HDAC9: variants seen among roughly 807,000 people sequenced by gnomAD.
HDAC9 encodes MEF-2 interacting transcription repressor (MITR) protein.
Under a neutral mutation model 139.4 loss-of-function variants are expected in HDAC9, and 41 were observed. The observed-to-expected ratio is 0.29, with a 90% CI of 0.23 to 0.38. HDAC9 has a LOEUF of 0.38. HDAC9 is among the 10% of genes least tolerant of loss of function. The pLI is 1.00. For missense variants in HDAC9, 1,147 were observed against 1,297.0 expected, an observed-to-expected ratio of 0.88 and a Z score of 1.78; for synonymous variants, 517 against 476.2, an observed-to-expected ratio of 1.09 and a Z score of -1.12.
At chr7:18,217,870 C>G (rs1164624810) in intron 2 of HDAC9, among the ~76,000 whole-genome samples, 8 of 152,242 alleles carry the variant, frequency 5.3e-5, no homozygotes, top group Admixed American at 2.6e-4. Context: ...GGTCAGAAAT[C>G]TGGGAGAGGT....
chr7:18,191,821 C>T (rs1335309379), intron 2 of HDAC9, among the ~76,000 whole-genome samples: 2 of 152,166 alleles, frequency 1.3e-5, no homozygotes, highest in Non-Finnish European at 2.9e-5. Context: ...CCATTAATTT[C>T]TTCCTTGCCC....
At chr7:18,514,172 A>G (rs190212695) in intron 2 of HDAC9, among the ~76,000 whole-genome samples, 56 of 152,332 alleles carry the variant, frequency 3.7e-4, no homozygotes, top group Non-Finnish European at 1.2e-4. Flanking sequence ...ATATGCATAT[A>G]CAATGTATGT....
chr7:18,572,034 A>G (rs1044807744), intron 2 of HDAC9, among the ~76,000 whole-genome samples: 15 of 151,790 alleles, frequency 9.9e-5, no homozygotes, highest in African/African-American at 2.4e-5. Flanking sequence ...AATTCCTGAT[A>G]GAAGAGTGGG....
rs370270521 is a variant in HDAC9 at position 18,666,374 on chromosome 7, A to G, written c.1629A>G (p.Gly543=). The G allele has an allele frequency of 5.0e-6, 8 of 1,613,162 alleles. No individual in the cohort carries two copies. The African/African-American group carries it at 9.3e-5, about 19-fold the overall frequency. The change falls in exon 12 of 26, where the codon GGA becomes GGG. Residue 543 remains glycine (G), a synonymous_variant. Transcript: ENST00000686413. ...DSSACVDDTL[G]QVGAVKVKEE... ...GTGCTTGTGTGGATGACACACTGGG[A>G]CAAGTTGGGGCTGTGAAGGTCAAGG... is the stretch of plus-strand genomic sequence containing the variant.
intron 25 of HDAC9, among the ~76,000 whole-genome samples, chr7:18,987,486 T>G (rs541586660): frequency 5.9e-5 from 9 of 152,354 alleles, no homozygotes; most frequent in African/African-American, 1.7e-4. Context: ...TTATTGAGGA[T>G]TTTTGCATCA....
intron 11 of HDAC9, among the ~76,000 whole-genome samples, chr7:18,654,713 A>G (rs1013537020): frequency 5.3e-5 from 8 of 152,060 alleles, no homozygotes; most frequent in African/African-American, 1.9e-4. Context: ...CAAGGCAAAC[A>G]AACATTAAAA....
chr7:18,933,484 C>A (rs1022407156), intron 22 of HDAC9, among the ~76,000 whole-genome samples: 1 of 151,986 alleles, frequency 6.6e-6, no homozygotes, highest in Non-Finnish European at 1.5e-5. Context: ...TCAAAGGCTG[C>A]CTCTCAAAAA....
At chr7:18,271,521 C>T (rs1315184117) in intron 2 of HDAC9, among the ~76,000 whole-genome samples, 2 of 152,144 alleles carry the variant, frequency 1.3e-5, no homozygotes, top group African/African-American at 4.8e-5. Flanking sequence ...ACCAGTTTCC[C>T]CCTTGCTTTT....
chr7:18,810,627 A>C (rs952446770), intron 17 of HDAC9, among the ~76,000 whole-genome samples: 1 of 151,948 alleles, frequency 6.6e-6, no homozygotes, highest in African/African-American at 2.4e-5. Context: ...CTATCACCAC[A>C]AATTATAAAA....
chr7:18,252,145 A>G (rs1794955699), intron 2 of HDAC9, among the ~76,000 whole-genome samples: 1 of 152,234 alleles, frequency 6.6e-6, no homozygotes, highest in African/African-American at 2.4e-5. Context: ...GTTAGCATTC[A>G]GTAGAGAAGT....
At chr7:18,208,135 A>G (rs1791673789) in intron 2 of HDAC9, among the ~76,000 whole-genome samples, 1 of 152,172 alleles carries the variant, frequency 6.6e-6, no homozygotes, top group Non-Finnish European at 1.5e-5. Flanking sequence ...TTTCGTTTCA[A>G]AGAACTAGCT....
intron 2 of HDAC9, among the ~76,000 whole-genome samples, chr7:18,542,493 A>G (rs751960285): frequency 3.3e-5 from 5 of 152,250 alleles, no homozygotes; most frequent in Admixed American, 6.5e-5. Flanking sequence ...AATGTTAGCA[A>G]TAGTCCTACA....
rs35414332 is a variant in HDAC9, at chr7:18,744,012, G to GTTT, written c.1910-4974_1910-4972dup. ...TTTTTACATCTCACTTTTACTACTA[G>GTTT]TTTTTTTTTTTTTTTTTTTTTGAGA... is the stretch of plus-strand genomic sequence containing the variant. On this transcript the variant is annotated intron_variant, in intron 13 of 25. Transcript: ENST00000686413. 6.4e-4 allele frequency among the ~76,000 whole-genome samples: 71 copies of GTTT among 110,422 alleles called. 1 individual carries two copies. The highest frequency in any genetic ancestry group is 1.4e-3 in the East Asian group (4 of 2,768). The allele number at this position is 110,422 out of a possible 152,430, so 72.4% of individuals were successfully genotyped here.
At chr7:18,252,216 C>T (rs140839062) in intron 2 of HDAC9, among the ~76,000 whole-genome samples, 1 of 152,040 alleles carries the variant, frequency 6.6e-6, no homozygotes, top group Non-Finnish European at 1.5e-5. Context: ...GAACTACAAC[C>T]ATTTGCAGTG....
chr7:18,887,240 G>C (rs1378362616), intron 22 of HDAC9, among the ~76,000 whole-genome samples: 1 of 152,128 alleles, frequency 6.6e-6, no homozygotes, highest in Non-Finnish European at 1.5e-5. Context: ...AGGCATGCTG[G>C]GTTCCGCTTC....
At chr7:18,553,597 G>A (rs1009084831) in intron 2 of HDAC9, among the ~76,000 whole-genome samples, 7 of 152,122 alleles carry the variant, frequency 4.6e-5, no homozygotes, top group African/African-American at 1.4e-4. Context: ...CTTTAATTCC[G>A]GGTAACTATT....
chr7:18,303,510 G>A (rs1562856481), intron 1 of HDAC9, among the ~76,000 whole-genome samples: 1 of 151,968 alleles, frequency 6.6e-6, no homozygotes, highest in Admixed American at 6.6e-5. Context: ...GGCTCCCAAA[G>A]TGCTGGGATT....
intron 2 of HDAC9, among the ~76,000 whole-genome samples, chr7:18,257,113 C>T (rs371295005): frequency 1.1e-5 from 1 of 87,010 alleles, no homozygotes; most frequent in Non-Finnish European, 2.7e-5. Flanking sequence ...TGTGTGTGTG[C>T]ATGTATGTGT....
chr7:18,346,534 T>A (rs1475986633), intron 1 of HDAC9, among the ~76,000 whole-genome samples: 1 of 152,194 alleles, frequency 6.6e-6, no homozygotes, highest in Non-Finnish European at 1.5e-5. Flanking sequence ...CTGGGAATTA[T>A]TTACCTTAGA....
Sources: gnomAD v4.1 joint callset for allele counts (sites outside exome capture counted in the v4.1 genomes callset) on GRCh38, gnomAD v4.1.1 for gene constraint, MANE v1.5 for transcripts, NCBI Gene and HGNC (gene_info 2026-07-23, HGNC 2026-07-21) for gene names.